PRR33: variants seen among roughly 807,000 people sequenced by gnomAD.
The protein encoded by PRR33 is proline-rich protein 33.
Under a neutral mutation model 0.5 loss-of-function variants are expected in PRR33, and 1 was observed. That is an observed-to-expected ratio of 2.18 (90% CI 0.77 to 10.34). PRR33 has a LOEUF of 10.34. PRR33 is among the 30% of genes most tolerant of loss of function. The pLI, the probability that PRR33 is intolerant of heterozygous loss-of-function variation, is 0.13. For missense variants in PRR33, 552 were observed against 251.8 expected (o/e 2.19, Z -8.07); for synonymous variants, 226 against 110.0 (o/e 2.06, Z -6.60).
upstream of PRR33, among the ~76,000 whole-genome samples, chr11:1,894,610 G>A (rs148020571): frequency 1.9e-3 from 295 of 152,202 alleles, no homozygotes; most frequent in Non-Finnish European, 3.2e-3. Flanking sequence ...CTTCTGTCAC[G>A]TAGCATAACT....
chr11:1,890,151 T>C (rs1848933469), exon 1 of PRR33: 1 of 716,930 alleles, frequency 1.4e-6, no homozygotes, highest in Non-Finnish European at 2.6e-6. Flanking sequence ...GGCCCTGAAT[T>C]GAGCAGCTAG....
chr11:1,902,276 G>C, the PRR33 span, among the ~76,000 whole-genome samples: 1 of 151,972 alleles, frequency 6.6e-6, no homozygotes, highest in Non-Finnish European at 1.5e-5. Flanking sequence ...CCAACCTGTG[G>C]ATAGGTGGTC....
chr11:1,899,843 A>G, the PRR33 span, among the ~76,000 whole-genome samples: 6 of 152,144 alleles, frequency 3.9e-5, no homozygotes, highest in African/African-American at 4.8e-5. Flanking sequence ...GAAAGCTTCT[A>G]TATAACCAGA....
the PRR33 span, among the ~76,000 whole-genome samples, chr11:1,909,266 G>A: frequency 5.3e-5 from 8 of 151,794 alleles, no homozygotes; most frequent in Non-Finnish European, 1.2e-4. Context: ...TGCGAGGCTC[G>A]AGTCCAGGAG....
chr11:1,901,881 C>T, the PRR33 span, among the ~76,000 whole-genome samples: 2 of 152,168 alleles, frequency 1.3e-5, no homozygotes, highest in South Asian at 2.1e-4. Flanking sequence ...TCAAGGTAGC[C>T]GTTGAATGTC....
At chr11:1,913,388 C>T in the PRR33 span, among the ~76,000 whole-genome samples, 215 of 151,686 alleles carry the variant, frequency 1.4e-3, 1 homozygote, top group South Asian at 6.7e-3. Flanking sequence ...CCTCGTGATC[C>T]GCCCGCCTCA....
exon 1 of PRR33, chr11:1,889,097 C>G (rs1848874472): frequency 1.7e-6 from 1 of 594,890 alleles, no homozygotes; most frequent in African/African-American, 1.9e-5. Flanking sequence ...TCAGCCCCTT[C>G]TTCTGTCCAT....
At chr11:1,900,011 C>T in the PRR33 span, among the ~76,000 whole-genome samples, 14 of 151,436 alleles carry the variant, frequency 9.2e-5, no homozygotes, top group African/African-American at 1.7e-4. Context: ...CAACTTACAA[C>T]GGTCACCATG....
At chr11:1,896,349 T>A (rs1000250162), upstream of PRR33, among the ~76,000 whole-genome samples, 1 of 152,240 alleles carries the variant, frequency 6.6e-6, no homozygotes, top group African/African-American at 2.4e-5. Context: ...CTCTTTCAAT[T>A]TGGAGGTCTT....
At chr11:1,905,962 G>A in the PRR33 span, among the ~76,000 whole-genome samples, 1 of 151,632 alleles carries the variant, frequency 6.6e-6, no homozygotes, top group South Asian at 2.1e-4. Flanking sequence ...GTGACTACTG[G>A]CACATGCCAC....
chr11:1,905,872 G>A, the PRR33 span, among the ~76,000 whole-genome samples: 2,042 of 151,838 alleles, frequency 0.013, 122 homozygotes, highest in Admixed American at 0.11. Flanking sequence ...AGGCTCGAGT[G>A]TATTGGTGCA....
At chr11:1,893,901 A>G (rs1341487293), upstream of PRR33, among the ~76,000 whole-genome samples, 1 of 151,416 alleles carries the variant, frequency 6.6e-6, no homozygotes, top group South Asian at 2.1e-4. Flanking sequence ...AGGTGGATGG[A>G]TGAATGGAGA....
At chr11:1,889,799 A>G in exon 1 of PRR33, 1 of 643,934 alleles carries the variant, frequency 1.6e-6, no homozygotes, top group Non-Finnish European at 2.8e-6. Context: ...CCCTGGCACT[A>G]GCCTCTCTGG....
At chr11:1,892,748 G>A (rs1440426557), upstream of PRR33, among the ~76,000 whole-genome samples, 1 of 151,908 alleles carries the variant, frequency 6.6e-6, no homozygotes, top group Non-Finnish European at 1.5e-5. Context: ...GGATGGGTAG[G>A]TGGGCGAGTG....
the PRR33 span, among the ~76,000 whole-genome samples, chr11:1,916,333 G>A: frequency 6.6e-6 from 1 of 152,136 alleles, no homozygotes; most frequent in Admixed American, 6.5e-5. Flanking sequence ...AAGGCTTCAT[G>A]TCAAACCCTG....
chr11:1,894,222 G>GGTGT (rs1849098640), upstream of PRR33, among the ~76,000 whole-genome samples: 1 of 95,498 alleles, frequency 1.0e-5, no homozygotes, highest in Non-Finnish European at 2.3e-5. Flanking sequence ...TGGGAGTGTG[G>GGTGT]GAGTGTGTGT....
chr11:1,912,490 C>T, the PRR33 span, among the ~76,000 whole-genome samples: 1 of 152,194 alleles, frequency 6.6e-6, no homozygotes, highest in South Asian at 2.1e-4. Flanking sequence ...CTGCAGCCTT[C>T]GTCATTACGT....
chr11:1,915,078 C>T, the PRR33 span, among the ~76,000 whole-genome samples: 3 of 145,020 alleles, frequency 2.1e-5, no homozygotes, highest in Admixed American at 2.1e-4. Flanking sequence ...TGGGGTCACA[C>T]ACCTGGGATG....
Position 1,890,628 on chromosome 11 carries a change from C to A in PRR33, c.-44G>T. On this transcript the variant is annotated 5_prime_UTR_variant, in exon 1 of 1. It introduces an in-frame stop codon into an upstream open reading frame of the 5' UTR. Transcript: ENST00000640310. ...GAGGGACAGTGGTCAGGCCAGCCCTCCTCCCTCCTGAGGTGGGAGGCCTGT... is the reference window on the plus strand; with the variant it reads ...GAGGGACAGTGGTCAGGCCAGCCCTACTCCCTCCTGAGGTGGGAGGCCTGT... 1.5e-6 allele frequency: 1 copy of A among 682,526 alleles called. No individual in the cohort carries two copies. Among genetic ancestry groups the A allele is most frequent in the South Asian group, 1.5e-5 (1 of 65,816 alleles). The allele number at this position is 682,526 out of a possible 1,614,324, so 42.3% of individuals were successfully genotyped here. A position where few individuals can be genotyped will look rare whatever the true frequency, so the allele number is the denominator to read the frequency against.
Sources: gnomAD v4.1 joint callset for allele counts (sites outside exome capture counted in the v4.1 genomes callset) on GRCh38, gnomAD v4.1.1 for gene constraint, MANE v1.5 for transcripts, NCBI Gene and HGNC (gene_info 2026-07-23, HGNC 2026-07-21) for gene names.